CDH13: variants seen among roughly 807,000 people sequenced by gnomAD.
CDH13 encodes the protein cadherin 13, also known as cadherin-13.
CDH13 carries 24 observed loss-of-function variants against 63.8 expected under a neutral mutation model. That is an observed-to-expected ratio of 0.38 (90% CI 0.27 to 0.53). The LOEUF is 0.53. Among genes scored for constraint, CDH13 ranks in the 20% least tolerant of loss-of-function variants. The pLI is 0.85. For synonymous variants in CDH13, 503 were observed against 355.3 expected, an observed-to-expected ratio of 1.42 and a Z score of -4.67; for missense variants, 1,049 against 903.1, an observed-to-expected ratio of 1.16 and a Z score of -2.07.
chr16:83,483,201 C>G (rs1020688554), intron 6 of CDH13, among the ~76,000 whole-genome samples: 1 of 152,162 alleles, frequency 6.6e-6, no homozygotes, highest in African/African-American at 2.4e-5. Flanking sequence ...TTACATAACT[C>G]AGGCACAATG....
intron 2 of CDH13, among the ~76,000 whole-genome samples, chr16:83,005,923 G>C (rs913380499): frequency 6.6e-6 from 1 of 152,196 alleles, no homozygotes; most frequent in African/African-American, 2.4e-5. Context: ...TTAAGCACTG[G>C]TGTTTGGTTT....
chr16:83,730,990 A>G (rs1347600666), intron 10 of CDH13, among the ~76,000 whole-genome samples: 2 of 152,210 alleles, frequency 1.3e-5, no homozygotes, highest in East Asian at 3.8e-4. Context: ...CAAAGAACAC[A>G]ATTTCATCCT....
intron 4 of CDH13, among the ~76,000 whole-genome samples, chr16:83,146,460 T>C (rs992422665): frequency 6.6e-6 from 1 of 151,900 alleles, no homozygotes; most frequent in Non-Finnish European, 1.5e-5. Flanking sequence ...TCTTCCCTTA[T>C]GGTTACAAGC....
chr16:83,086,163 C>T (rs2033583382), intron 3 of CDH13, among the ~76,000 whole-genome samples: 1 of 152,180 alleles, frequency 6.6e-6, no homozygotes, highest in South Asian at 2.1e-4. Flanking sequence ...TGGTGTCTTC[C>T]AGTTCACTAC....
intron 3 of CDH13, among the ~76,000 whole-genome samples, chr16:83,051,561 C>T (rs898086534): frequency 6.6e-6 from 1 of 152,190 alleles, no homozygotes; most frequent in African/African-American, 2.4e-5. Flanking sequence ...CATATACTTA[C>T]AAGATTTGCA....
At chr16:82,898,911 A>G (rs1344626119) in intron 2 of CDH13, among the ~76,000 whole-genome samples, 1 of 152,232 alleles carries the variant, frequency 6.6e-6, no homozygotes, top group Non-Finnish European at 1.5e-5. Context: ...AGTATGCTTA[A>G]CTTCACTCAG....
intron 1 of CDH13, among the ~76,000 whole-genome samples, chr16:82,674,823 T>A (rs753151159): frequency 5.9e-5 from 9 of 152,222 alleles, no homozygotes; most frequent in Non-Finnish European, 1.2e-4. Flanking sequence ...GGGGGCTGCC[T>A]TCTGAGACAC....
intron 2 of CDH13, among the ~76,000 whole-genome samples, chr16:82,884,812 C>G (rs1254370443): frequency 6.6e-6 from 1 of 152,160 alleles, no homozygotes; most frequent in Admixed American, 6.5e-5. Context: ...TTGAAAACTT[C>G]AGCAGCCATA....
intron 10 of CDH13, among the ~76,000 whole-genome samples, chr16:83,730,991 A>G (rs962793050): frequency 7.9e-5 from 12 of 152,190 alleles, no homozygotes; most frequent in South Asian, 4.1e-4. Context: ...AAAGAACACA[A>G]TTTCATCCTT....
chr16:82,985,488 T>C (rs1910820391), intron 2 of CDH13, among the ~76,000 whole-genome samples: 1 of 152,164 alleles, frequency 6.6e-6, no homozygotes, highest in South Asian at 2.1e-4. Flanking sequence ...TTAGACATAT[T>C]TGTGGCTTTC....
At chr16:83,490,456 C>A (rs1387374) in intron 7 of CDH13, among the ~76,000 whole-genome samples, 1 of 151,984 alleles carries the variant, frequency 6.6e-6, no homozygotes, top group African/African-American at 2.4e-5. Context: ...TTTCTTCTTC[C>A]CACCCTCCTC....
At chr16:83,299,969 A>G (rs1207508847) in intron 5 of CDH13, among the ~76,000 whole-genome samples, 1 of 152,184 alleles carries the variant, frequency 6.6e-6, no homozygotes, top group African/African-American at 2.4e-5. Context: ...AGCTCACTTG[A>G]TTGTTAACAG....
intron 7 of CDH13, among the ~76,000 whole-genome samples, chr16:83,490,157 A>C (rs931217761): frequency 6.6e-5 from 10 of 152,280 alleles, no homozygotes; most frequent in African/African-American, 2.4e-4. Flanking sequence ...ACACGAGCTA[A>C]GTTGACACAA....
At chr16:83,612,903 T>C (rs1337420194) in intron 8 of CDH13, among the ~76,000 whole-genome samples, 1 of 152,200 alleles carries the variant, frequency 6.6e-6, no homozygotes, top group Non-Finnish European at 1.5e-5. Context: ...ATTATTTATT[T>C]ATCCCTGTTT....
chr16:83,791,454 C>T (rs1916258687), intron 13 of CDH13, among the ~76,000 whole-genome samples: 1 of 151,546 alleles, frequency 6.6e-6, no homozygotes, highest in Admixed American at 6.6e-5. Flanking sequence ...TGAGATCATG[C>T]CACTGTACTC....
intron 6 of CDH13, among the ~76,000 whole-genome samples, chr16:83,440,784 C>CAAA (rs34731612): frequency 2.4e-5 from 3 of 123,586 alleles, no homozygotes; most frequent in Non-Finnish European, 3.3e-5. Context: ...GACTTCATCT[C>CAAA]AAAAAAAAAA....
At chr16:83,262,870 G>A (rs1907155741) in intron 5 of CDH13, among the ~76,000 whole-genome samples, 1 of 152,182 alleles carries the variant, frequency 6.6e-6, no homozygotes, top group Non-Finnish European at 1.5e-5. Context: ...ACCACCAATT[G>A]AGTAAGAATT....
At chr16:83,574,482 C>G (rs562171410) in intron 7 of CDH13, among the ~76,000 whole-genome samples, 1 of 152,226 alleles carries the variant, frequency 6.6e-6, no homozygotes, top group East Asian at 1.9e-4. Flanking sequence ...AACCAAATAC[C>G]CAGGTCTGGA....
At chr16:83,406,924 C>A in intron 6 of CDH13, among the ~76,000 whole-genome samples, 1 of 152,188 alleles carries the variant, frequency 6.6e-6, no homozygotes, top group East Asian at 1.9e-4. Context: ...TTGTCCATAG[C>A]TACTATTGTT....
Sources: allele counts gnomAD v4.1 joint callset (sites outside exome capture counted in the v4.1 genomes callset), GRCh38; gene constraint gnomAD v4.1.1; transcripts MANE v1.5; gene names NCBI Gene and HGNC (gene_info 2026-07-23, HGNC 2026-07-21).